Variants in CPPED1 observed in about 807,000 individuals in gnomAD.
The protein encoded by CPPED1 is calcineurin like phosphoesterase domain containing 1, also known as serine/threonine-protein phosphatase CPPED1.
A neutral mutation model predicts 28.0 loss-of-function variants in CPPED1; 28 were observed. The observed-to-expected ratio is 1.00, with a 90% CI of 0.74 to 1.37. CPPED1 has a LOEUF of 1.37. CPPED1 is among the 40% of genes most tolerant of loss of function. The pLI is 0.00. For synonymous variants in CPPED1, 198 were observed against 180.2 expected, an observed-to-expected ratio of 1.10 and a Z score of -0.79; for missense variants, 504 against 416.5, an observed-to-expected ratio of 1.21 and a Z score of -1.83.
chr16:12,726,595 G>A (rs2080171464), intron 2 of CPPED1, among the ~76,000 whole-genome samples: 2 of 151,838 alleles, frequency 1.3e-5, no homozygotes, highest in African/African-American at 2.4e-5. Flanking sequence ...TGCCCACCTC[G>A]GCCTCTCAAA....
intron 3 of CPPED1, among the ~76,000 whole-genome samples, chr16:12,677,968 A>C (rs1010373834): frequency 3.9e-5 from 6 of 152,216 alleles, no homozygotes; most frequent in Non-Finnish European, 8.8e-5. Context: ...GAAAGTATAT[A>C]AGCTTGTGGG....
At chr16:12,707,247 ACTT>A (rs754520753) in intron 2 of CPPED1, among the ~76,000 whole-genome samples, 41 of 151,972 alleles carry the variant, frequency 2.7e-4, no homozygotes, top group Non-Finnish European at 5.0e-4. Context: ...CGCCCCTCTC[ACTT>A]CTTCTTCTTT....
chr16:12,714,874 A>G (rs1022502495), intron 2 of CPPED1, among the ~76,000 whole-genome samples: 13 of 152,174 alleles, frequency 8.5e-5, no homozygotes, highest in African/African-American at 2.9e-4. Flanking sequence ...TTTCCAATAG[A>G]GGATCACAAA....
intron 2 of CPPED1, among the ~76,000 whole-genome samples, chr16:12,773,533 G>A (rs578227735): frequency 1.3e-5 from 2 of 152,230 alleles, no homozygotes; most frequent in East Asian, 3.9e-4. Flanking sequence ...GACCAGCCTA[G>A]GCAACATGGT....
intron 3 of CPPED1, among the ~76,000 whole-genome samples, chr16:12,676,123 G>A (rs890875361): frequency 2.6e-5 from 4 of 152,212 alleles, no homozygotes; most frequent in Non-Finnish European, 4.4e-5. Flanking sequence ...ACTCTCATCA[G>A]AATTTCCCTG....
chr16:12,802,835 T>C (rs1028676420), intron 1 of CPPED1, among the ~76,000 whole-genome samples: 1 of 152,188 alleles, frequency 6.6e-6, no homozygotes, highest in Non-Finnish European at 1.5e-5. Flanking sequence ...ACAAAACCTG[T>C]TGCAGAACTG....
At chr16:12,676,618 G>A (rs931601550) in intron 3 of CPPED1, among the ~76,000 whole-genome samples, 4 of 152,144 alleles carry the variant, frequency 2.6e-5, no homozygotes, top group African/African-American at 9.7e-5. Flanking sequence ...GGTGCAAAGT[G>A]CCAAAGATCA....
At position 12,696,902 on chromosome 16, in the gene CPPED1, A is replaced by G. The variant is rs547128407; in HGVS notation, c.715+7722T>C. Among the ~76,000 whole-genome samples, 73 of 152,098 alleles carry G rather than the reference A, an allele frequency of 4.8e-4. 1 individual carries two copies. In the South Asian group the frequency reaches 0.012, roughly 26 times the overall value. On this transcript the variant is annotated intron_variant, in intron 3 of 3. Coordinates refer to ENST00000381774, the MANE Select transcript of CPPED1 (RefSeq NM_018340.3). ...TTAAGAAGCCAAATCCTGTCTGTTC[A>G]CCTGCCATGTTATAGGACCCCCTGC...
intron 2 of CPPED1, among the ~76,000 whole-genome samples, chr16:12,744,130 G>C (rs949914936): frequency 2.6e-5 from 4 of 152,022 alleles, no homozygotes; most frequent in Non-Finnish European, 4.4e-5. Context: ...CAAAAAATTA[G>C]CCGGGCGTGG....
chr16:12,790,810 T>C (rs1895484478), intron 1 of CPPED1, among the ~76,000 whole-genome samples: 1 of 149,654 alleles, frequency 6.7e-6, no homozygotes, highest in South Asian at 2.1e-4. Flanking sequence ...GCACCTGTAG[T>C]CCCAGCAACT....
chr16:12,702,896 C>T (rs532616597), intron 3 of CPPED1, among the ~76,000 whole-genome samples: 1 of 151,598 alleles, frequency 6.6e-6, no homozygotes, highest in Admixed American at 6.6e-5. Flanking sequence ...CCTGTAATCC[C>T]AGGTACTCAG....
chr16:12,734,767 A>G (rs889514887), intron 2 of CPPED1, among the ~76,000 whole-genome samples: 17 of 150,476 alleles, frequency 1.1e-4, no homozygotes, highest in African/African-American at 4.1e-4. Flanking sequence ...ATCACTCATC[A>G]GAGAGATGAG....
chr16:12,802,498 G>A (rs1438920458), intron 1 of CPPED1, among the ~76,000 whole-genome samples: 1 of 152,184 alleles, frequency 6.6e-6, no homozygotes, highest in African/African-American at 2.4e-5. Flanking sequence ...CTACTCCAGA[G>A]GCTGAGGCAG....
intron 1 of CPPED1, among the ~76,000 whole-genome samples, chr16:12,793,100 C>A (rs970797665): frequency 6.6e-6 from 1 of 152,220 alleles, no homozygotes; most frequent in Non-Finnish European, 1.5e-5. Context: ...CTCTATGGCA[C>A]TGGCTGTCAG....
rs140316505 is a variant in CPPED1 at position 12,761,919 on chromosome 16, G to A, written c.289+19266C>T. Among the ~76,000 whole-genome samples, 972 of 152,178 alleles carry A rather than the reference G, an allele frequency of 6.4e-3. 11 individuals carry two copies. Among genetic ancestry groups the A allele is most frequent in the African/African-American group, 0.022 (898 of 41,492 alleles). On this transcript the variant is annotated intron_variant, in intron 2 of 3. Coordinates refer to ENST00000381774, the MANE Select transcript of CPPED1 (RefSeq NM_018340.3). ...CCAGCTACTCACTCGGGAGGCTGAG[G>A]CATGAGAATCACTTGAACACATGAG...
intron 3 of CPPED1, among the ~76,000 whole-genome samples, chr16:12,697,231 G>T (rs922451403): frequency 1.3e-5 from 2 of 152,042 alleles, no homozygotes; most frequent in Non-Finnish European, 2.9e-5. Context: ...CTCCATGTTG[G>T]CCAGGCTGGT....
rs940081213 is a variant in CPPED1, at chr16:12,751,002, C to CA, written c.289+30182dup. 7.3e-3 allele frequency among the ~76,000 whole-genome samples: 1,110 copies of CA among 151,204 alleles called. 18 individuals carry two copies. Among genetic ancestry groups the CA allele is most frequent in the African/African-American group, 0.024 (987 of 41,264 alleles). The stretch of plus-strand genomic sequence containing the variant: ...AAAACAAACAAACAAACAACAACAA[C>CA]AAAAAAAACAGAAAAAATGATGCTG... On this transcript the variant is annotated intron_variant, in intron 2 of 3. Coordinates refer to ENST00000381774, the MANE Select transcript of CPPED1 (RefSeq NM_018340.3).
intron 2 of CPPED1, among the ~76,000 whole-genome samples, chr16:12,725,055 G>A (rs951152381): frequency 6.6e-6 from 1 of 151,768 alleles, no homozygotes; most frequent in Non-Finnish European, 1.5e-5. Flanking sequence ...CAAAGTGCTG[G>A]GATTACAGGT....
chr16:12,735,403 C>T (rs1290655498), intron 2 of CPPED1, among the ~76,000 whole-genome samples: 8 of 152,334 alleles, frequency 5.3e-5, no homozygotes, highest in South Asian at 4.1e-4. Flanking sequence ...CTGATTCTCC[C>T]GCCTTAGCGT....
Sources: gnomAD v4.1 joint callset for allele counts (sites outside exome capture counted in the v4.1 genomes callset) on GRCh38, gnomAD v4.1.1 for gene constraint, MANE v1.5 for transcripts, NCBI Gene and HGNC (gene_info 2026-07-23, HGNC 2026-07-21) for gene names.